EPHA6: variants seen among roughly 807,000 people sequenced by gnomAD.
The protein encoded by EPHA6 is ephrin type-A receptor 6.
In EPHA6, 50 loss-of-function variants were observed where a neutral mutation model predicts 112.0. The ratio of observed to expected loss-of-function variants is 0.45; its 90% CI spans 0.36 to 0.56. The LOEUF is 0.56. EPHA6 is among the 20% of genes least tolerant of loss of function. The pLI, the probability that EPHA6 is intolerant of heterozygous loss-of-function variation, is 0.00. For synonymous variants in EPHA6, 529 were observed against 490.7 expected, an observed-to-expected ratio of 1.08 and a Z score of -1.03; for missense variants, 1,280 against 1,417.4, an observed-to-expected ratio of 0.90 and a Z score of 1.56.
intron 3 of EPHA6, among the ~76,000 whole-genome samples, chr3:97,203,886 T>C (rs888013863): frequency 3.3e-5 from 5 of 152,138 alleles, no homozygotes; most frequent in Admixed American, 6.5e-5. Flanking sequence ...TAATGCTAGA[T>C]GATGAGTTAG....
chr3:97,527,571 C>T (rs2092638694), intron 10 of EPHA6, among the ~76,000 whole-genome samples: 1 of 152,156 alleles, frequency 6.6e-6, no homozygotes, highest in Admixed American at 6.6e-5. Flanking sequence ...GCCAAACACA[C>T]AGACCCTATA....
At chr3:96,921,014 A>G (rs2039731008) in intron 2 of EPHA6, among the ~76,000 whole-genome samples, 1 of 152,070 alleles carries the variant, frequency 6.6e-6, no homozygotes, top group East Asian at 1.9e-4. Context: ...CCTGTGTAAG[A>G]AAAGAGTTAA....
chr3:97,432,814 G>A (rs898308976), intron 6 of EPHA6, among the ~76,000 whole-genome samples: 8 of 152,044 alleles, frequency 5.3e-5, no homozygotes, highest in South Asian at 2.1e-4. Flanking sequence ...ACCATATGTC[G>A]TGAGAACTCA....
At chr3:97,555,364 A>G (rs1459747788) in intron 11 of EPHA6, among the ~76,000 whole-genome samples, 2 of 152,054 alleles carry the variant, frequency 1.3e-5, no homozygotes, top group East Asian at 1.9e-4. Context: ...AGTCTTTGCT[A>G]TTGTGAATAG....
At chr3:97,529,842 C>A (rs1313712245) in intron 10 of EPHA6, among the ~76,000 whole-genome samples, 1 of 151,962 alleles carries the variant, frequency 6.6e-6, no homozygotes, top group East Asian at 1.9e-4. Flanking sequence ...GAAGAAAACA[C>A]CTGCCTGGTG....
At chr3:97,522,833 T>C (rs2107623163) in intron 10 of EPHA6, among the ~76,000 whole-genome samples, 1 of 152,312 alleles carries the variant, frequency 6.6e-6, no homozygotes, top group Middle Eastern at 3.4e-3. Context: ...CGTAAAGTTG[T>C]TCATAATATT....
intron 2 of EPHA6, among the ~76,000 whole-genome samples, chr3:96,949,188 A>G (rs1474967909): frequency 2.0e-5 from 3 of 152,142 alleles, no homozygotes; most frequent in African/African-American, 7.2e-5. Flanking sequence ...ATAGACGGAG[A>G]AAAAATTGTA....
At chr3:96,941,044 T>G (rs1019467920) in intron 2 of EPHA6, among the ~76,000 whole-genome samples, 2 of 152,188 alleles carry the variant, frequency 1.3e-5, no homozygotes, top group African/African-American at 4.8e-5. Flanking sequence ...TTTTCCTTCA[T>G]TTCAACTTTG....
At chr3:97,382,279 A>G (rs994048196) in intron 5 of EPHA6, among the ~76,000 whole-genome samples, 1 of 152,102 alleles carries the variant, frequency 6.6e-6, no homozygotes, top group Non-Finnish European at 1.5e-5. Context: ...TACTAAAAGA[A>G]AAGCCTCTTA....
intron 7 of EPHA6, among the ~76,000 whole-genome samples, chr3:97,464,648 G>A (rs1333118580): frequency 6.6e-6 from 1 of 151,960 alleles, no homozygotes; most frequent in Non-Finnish European, 1.5e-5. Context: ...CAGGATACTG[G>A]GAAAAAAGAT....
chr3:96,949,644 A>C (rs563549579), intron 2 of EPHA6, among the ~76,000 whole-genome samples: 26 of 152,274 alleles, frequency 1.7e-4, no homozygotes, highest in Admixed American at 1.6e-3. Flanking sequence ...AAAGGTAGGC[A>C]ATGTGTGTGG....
At chr3:97,343,430 ATGAAT>A (rs2083403827) in intron 5 of EPHA6, among the ~76,000 whole-genome samples, 1 of 152,204 alleles carries the variant, frequency 6.6e-6, no homozygotes, top group African/African-American at 2.4e-5. Flanking sequence ...AAGGGAAGAA[ATGAAT>A]TGAAGATGGA....
chr3:97,272,542 G>A (rs1487943921), intron 5 of EPHA6, among the ~76,000 whole-genome samples: 3 of 152,074 alleles, frequency 2.0e-5, no homozygotes, highest in Non-Finnish European at 4.4e-5. Context: ...GGGTGCAGGC[G>A]GGCTGAGTCC....
chr3:97,087,926 G>A (rs1437831705), intron 3 of EPHA6, among the ~76,000 whole-genome samples: 1 of 152,126 alleles, frequency 6.6e-6, no homozygotes, highest in African/African-American at 2.4e-5. Context: ...GCTCACGCCT[G>A]TAATCCTAAC....
intron 3 of EPHA6, among the ~76,000 whole-genome samples, chr3:97,151,674 A>G (rs2076174854): frequency 6.6e-6 from 1 of 152,124 alleles, no homozygotes; most frequent in African/African-American, 2.4e-5. Flanking sequence ...GAGATGCTTC[A>G]GAGTTCCTGA....
intron 7 of EPHA6, among the ~76,000 whole-genome samples, chr3:97,450,918 G>A (rs1028929132): frequency 1.3e-5 from 2 of 152,082 alleles, no homozygotes; most frequent in Non-Finnish European, 2.9e-5. Context: ...GCATAGTGAA[G>A]ATGACTACTA....
chr3:97,135,281 TA>T (rs2075738525), intron 3 of EPHA6, among the ~76,000 whole-genome samples: 1 of 152,162 alleles, frequency 6.6e-6, no homozygotes, highest in Non-Finnish European at 1.5e-5. Flanking sequence ...AAAAGTCACT[TA>T]ATTTCTGCAA....
chr3:97,596,888 A>G lies in EPHA6; in HGVS notation c.2512+4151A>G, dbSNP rs959115479. Among the ~76,000 whole-genome samples the G allele has an allele frequency of 3.0e-5, 4 of 134,576 alleles. No individual in the cohort carries two copies. The South Asian group carries it at 8.8e-4, about 30-fold the overall frequency. The allele number at this position is 134,576 out of a possible 152,430, so 88.3% of individuals were successfully genotyped here. ...ATATATCTATGGAATATATATATAT[A>G]TATATATATATATATATGTATGTAT... On this transcript the variant is annotated intron_variant, in intron 12 of 17. Coordinates refer to ENST00000389672, the MANE Select transcript of EPHA6 (RefSeq NM_001080448.3).
chr3:97,293,355 G>C (rs1193780243), intron 5 of EPHA6, among the ~76,000 whole-genome samples: 1 of 152,096 alleles, frequency 6.6e-6, no homozygotes, highest in Admixed American at 6.5e-5. Flanking sequence ...CTTTTGGCAG[G>C]CAGGTCATCC....
Sources: allele counts gnomAD v4.1 joint callset (sites outside exome capture counted in the v4.1 genomes callset), GRCh38; gene constraint gnomAD v4.1.1; transcripts MANE v1.5; gene names NCBI Gene and HGNC (gene_info 2026-07-23, HGNC 2026-07-21).